The following ZEB2 variants were observed in gnomAD, a reference collection of about 807,000 sequenced individuals.
ZEB2 encodes zinc finger E-box-binding homeobox 2.
ZEB2 carries 6 observed loss-of-function variants against 99.9 expected under a neutral mutation model. The ratio of observed to expected loss-of-function variants is 0.06; its 90% CI spans 0.03 to 0.12. The LOEUF (loss-of-function observed/expected upper bound fraction) is 0.12. Among genes scored for constraint, ZEB2 ranks in the 10% least tolerant of loss-of-function variants. The probability of loss-of-function intolerance (pLI) is 1.00; values close to 1 mark genes in which losing one functional copy is unlikely to be tolerated. For missense variants in ZEB2, 969 were observed against 1,502.8 expected (o/e 0.64, Z 5.87); for synonymous variants, 517 against 542.5 (o/e 0.95, Z 0.65).
In ZEB2 at chr2:144,423,560, C is replaced by T. The variant is rs191719734; in HGVS notation, c.403+1236G>A. Among the ~76,000 whole-genome samples, 473 of 152,020 alleles carry T rather than the reference C, an allele frequency of 3.1e-3. 1 individual carries two copies. Among genetic ancestry groups the T allele is most frequent in the African/African-American group, 0.011 (437 of 41,468 alleles). On this transcript the variant is annotated intron_variant, in intron 4 of 9. Coordinates refer to ENST00000627532, the MANE Select transcript of ZEB2 (RefSeq NM_014795.4). ...GTTCCAAAGAGGAAAACTGACTTGC[C>T]CAAGGGTTACAATCTAGTCATTGTC...
chr2:144,403,827 T>G, intron 6 of ZEB2, 89 bp downstream of exon 6: 1 of 1,546,660 alleles, frequency 6.5e-7, no homozygotes, highest in Non-Finnish European at 8.9e-7. Flanking sequence ...CAAAATGCCA[T>G]GAAAAATTAA....
intron 9 of ZEB2, among the ~76,000 whole-genome samples, chr2:144,392,570 T>A (rs1351127291): frequency 6.6e-6 from 1 of 152,264 alleles, no homozygotes; most frequent in Non-Finnish European, 1.5e-5. Context: ...TATGATACCA[T>A]GCAAAGGATA....
At chr2:144,453,979 A>G (rs891491886) in intron 2 of ZEB2, among the ~76,000 whole-genome samples, 1 of 152,224 alleles carries the variant, frequency 6.6e-6, no homozygotes, top group Admixed American at 6.5e-5. Flanking sequence ...ATATTAGTAC[A>G]TACCTAGGAA....
intron 2 of ZEB2, among the ~76,000 whole-genome samples, chr2:144,486,063 A>G (rs1704591115): frequency 1.3e-5 from 2 of 152,232 alleles, no homozygotes; most frequent in African/African-American, 4.8e-5. Flanking sequence ...TTTTATACCA[A>G]TAGTGACATA....
chr2:144,441,245 C>T (rs981701265), intron 2 of ZEB2, among the ~76,000 whole-genome samples: 1 of 144,784 alleles, frequency 6.9e-6, no homozygotes, highest in Non-Finnish European at 1.5e-5. Context: ...ACTGCTTCTC[C>T]CCATGCCTCA....
chr2:144,424,541 A>G, intron 4 of ZEB2: 1 of 639,820 alleles, frequency 1.6e-6, no homozygotes, highest in Non-Finnish European at 2.9e-6. Flanking sequence ...TCATGCACTG[A>G]AAGGATCCAT....
chr2:144,385,086 G>C lies in ZEB2; in HGVS notation c.*4365C>G, dbSNP rs1254191485. 1 of 152,108 alleles carries C rather than the reference G, an allele frequency of 6.6e-6. No homozygotes were observed. The highest frequency in any genetic ancestry group is 2.4e-5 in the African/African-American group (1 of 41,428). The allele number at this position is 152,108 out of a possible 1,614,324, so 9.4% of individuals were successfully genotyped here. On this transcript the variant is annotated 3_prime_UTR_variant, in exon 10 of 10. Coordinates refer to ENST00000627532, the MANE Select transcript of ZEB2 (RefSeq NM_014795.4). The stretch of plus-strand genomic sequence containing the variant: ...ATTTTTCTTAATGTCTTCAAATGTA[G>C]GAATGTTTTGTTGCATGTATAAAAT...
At position 144,400,130 on chromosome 2, in the gene ZEB2, A is replaced by G; in HGVS notation, c.1057T>C (p.Ser353Pro). The G allele has an allele frequency of 6.2e-7, 1 of 1,614,052 alleles. No individual in the cohort carries two copies. Among genetic ancestry groups the G allele is most frequent in the Non-Finnish European group, 8.5e-7 (1 of 1,179,880 alleles). ...GGAGAAGAAGAAACAGAATTAGGGGAAGAACCCGTCTTGATATTGTTTCTC... is the reference window on the plus strand; with the variant it reads ...GGAGAAGAAGAAACAGAATTAGGGGGAGAACCCGTCTTGATATTGTTTCTC... ...RMRNNIKTGS[S>P]PNSVSSSPTN... Residue 353 changes from serine (S) to proline (P), a missense_variant, in exon 8 of 10, where the codon TCC becomes CCC. Coordinates refer to ENST00000627532, the MANE Select transcript of ZEB2 (RefSeq NM_014795.4).
chr2:144,419,817 G>A (rs1703595569), intron 4 of ZEB2, among the ~76,000 whole-genome samples: 1 of 151,858 alleles, frequency 6.6e-6, no homozygotes, highest in Non-Finnish European at 1.5e-5. Flanking sequence ...GTGAACTTAT[G>A]CAATGTGGAA....
intron 2 of ZEB2, chr2:144,513,196 C>T (rs768278995): frequency 7.0e-6 from 9 of 1,287,108 alleles, no homozygotes; most frequent in Non-Finnish European, 9.1e-6. Context: ...CTCATTGCCT[C>T]TAACCATCAC....
chr2:144,392,308 T>C (rs1442158381), intron 9 of ZEB2, among the ~76,000 whole-genome samples: 1 of 152,226 alleles, frequency 6.6e-6, no homozygotes, highest in Non-Finnish European at 1.5e-5. Context: ...CATTATGATA[T>C]GGCTTTCTTT....
chr2:144,506,959 A>G (rs1704959200), intron 2 of ZEB2, among the ~76,000 whole-genome samples: 1 of 152,194 alleles, frequency 6.6e-6, no homozygotes, highest in Non-Finnish European at 1.5e-5. Context: ...CATTAATGAC[A>G]GTTACCTATT....
At position 144,419,423 on chromosome 2, in the gene ZEB2, C is replaced by T. The variant is rs570485995; in HGVS notation, c.403+5373G>A. On this transcript the variant is annotated intron_variant, in intron 4 of 9. Coordinates refer to ENST00000627532, the MANE Select transcript of ZEB2 (RefSeq NM_014795.4). Reference sequence around the variant, plus strand: ...GCAGATGCAGGTGGTTATTAATAGCCCTTTATAACTAGAGGTACTAGATTG... The same window carrying T: ...GCAGATGCAGGTGGTTATTAATAGCTCTTTATAACTAGAGGTACTAGATTG... Among the ~76,000 whole-genome samples, 14 of 152,226 alleles carry T rather than the reference C, an allele frequency of 9.2e-5. 1 individual carries two copies. In the South Asian group the frequency reaches 2.7e-3, roughly 29 times the overall value.
chr2:144,504,966 C>T (rs1043317575), intron 2 of ZEB2, among the ~76,000 whole-genome samples: 3 of 152,124 alleles, frequency 2.0e-5, no homozygotes, highest in East Asian at 1.9e-4. Context: ...GTGCAATAAT[C>T]GTCCTGCTGT....
At chr2:144,410,081 T>C (rs1560611862) in intron 4 of ZEB2, among the ~76,000 whole-genome samples, 1 of 151,950 alleles carries the variant, frequency 6.6e-6, no homozygotes, top group Non-Finnish European at 1.5e-5. Flanking sequence ...CCGGCTAATT[T>C]TTCGTATTTT....
chr2:144,477,135 C>G (rs1216618017), intron 2 of ZEB2, among the ~76,000 whole-genome samples: 1 of 152,164 alleles, frequency 6.6e-6, no homozygotes. Context: ...TGAAAATGGG[C>G]ACTACCCAAG....
At chr2:144,509,022 T>C (rs996927080) in intron 2 of ZEB2, among the ~76,000 whole-genome samples, 2 of 152,090 alleles carry the variant, frequency 1.3e-5, no homozygotes, top group Admixed American at 6.5e-5. Context: ...TTATGAGCAA[T>C]GTAAGTCCAC....
intron 2 of ZEB2, among the ~76,000 whole-genome samples, chr2:144,470,810 A>G (rs1312332723): frequency 6.6e-6 from 1 of 152,124 alleles, no homozygotes; most frequent in African/African-American, 2.4e-5. Context: ...GACTGGAACA[A>G]GACCCCTACA....
At chr2:144,413,434 T>C (rs1703491890) in intron 4 of ZEB2, among the ~76,000 whole-genome samples, 3 of 152,200 alleles carry the variant, frequency 2.0e-5, no homozygotes, top group African/African-American at 7.2e-5. Flanking sequence ...AGCCAGGAAG[T>C]GAACAGGCTC....
Sources: allele counts gnomAD v4.1 joint callset (sites outside exome capture counted in the v4.1 genomes callset), GRCh38; gene constraint gnomAD v4.1.1; transcripts MANE v1.5; gene names NCBI Gene and HGNC (gene_info 2026-07-23, HGNC 2026-07-21).